The following TMC3 variants were observed in gnomAD, a reference collection of about 807,000 sequenced individuals.
The protein encoded by TMC3 is transmembrane channel-like protein 3.
TMC3 carries 98 observed loss-of-function variants against 110.6 expected under a neutral mutation model. The observed-to-expected ratio is 0.89, with a 90% CI of 0.75 to 1.05. The LOEUF is 1.05. Among genes scored for constraint, TMC3 ranks in the 50% least tolerant of loss-of-function variants. The probability of loss-of-function intolerance (pLI) is 0.00; values close to 1 mark genes in which losing one functional copy is unlikely to be tolerated. For synonymous variants in TMC3, 489 were observed against 513.1 expected (o/e 0.95, Z 0.63); for missense variants, 1,319 against 1,373.2 (o/e 0.96, Z 0.62).
chr15:81,360,972 CTT>C (rs59270312), intron 4 of TMC3, among the ~76,000 whole-genome samples: 29 of 134,108 alleles, frequency 2.2e-4, no homozygotes, highest in Non-Finnish European at 2.8e-4. Flanking sequence ...ACGGTTTTCT[CTT>C]TTTTTTTTTT....
At chr15:81,372,887 G>A in intron 1 of TMC3, 150 bp from the exon 2 acceptor site, 1 of 720,952 alleles carries the variant, frequency 1.4e-6, no homozygotes, top group East Asian at 2.7e-5. Flanking sequence ...GTGTGTGTGT[G>A]TGTGTGTGTG....
At chr15:81,368,660 A>C (rs181238733) in intron 2 of TMC3, among the ~76,000 whole-genome samples, 2 of 152,294 alleles carry the variant, frequency 1.3e-5, no homozygotes, top group African/African-American at 4.8e-5. Flanking sequence ...TCCTGGTGGC[A>C]GACACGTGCA....
chr15:81,362,633 A>G (rs2141419813), intron 3 of TMC3, among the ~76,000 whole-genome samples: 1 of 152,310 alleles, frequency 6.6e-6, no homozygotes, highest in African/African-American at 2.4e-5. Flanking sequence ...CCCATTCCTG[A>G]TGAGGGGTAT....
Position 81,358,432 on chromosome 15 carries a change from G to A in TMC3, c.570C>T (p.Ala190=). The A allele has an allele frequency of 6.2e-7, 1 of 1,613,882 alleles. No homozygotes were observed. Among genetic ancestry groups the A allele is most frequent in the Non-Finnish European group, 8.5e-7 (1 of 1,179,818 alleles). The stretch of plus-strand genomic sequence containing the variant: ...GAGACCAGACGGTGTCCAGGTCTTG[G>A]GCAGACGAAACCTGCTCCTTGGGGA... ...KTIPKEQVSS[A]QDLDTVWSLG... is the part of the protein sequence containing the mutation. Residue 190 remains alanine, a synonymous_variant, in exon 6 of 22, where the codon GCC becomes GCT. Transcript: ENST00000359440.
At position 81,333,067 on chromosome 15, in the gene TMC3, G is replaced by GGGGGCGT. The variant is rs761028832; in HGVS notation, c.2648_2654dup (p.Tyr887ProfsTer7). On this transcript the variant is annotated frameshift_variant, in exon 22 of 22. Transcript: ENST00000359440. LOFTEE classifies it low-confidence loss of function (END_TRUNC). Reference sequence around the variant, plus strand: ...CACATTCATTAATGACATAGTATCTGGGGGCGTGGGGCCTGGGACCCTGTG... The same window carrying GGGGGCGT: ...CACATTCATTAATGACATAGTATCTGGGGGCGTGGGGCGTGGGGCCTGGGACCCTGTG... 11 of 1,613,788 alleles carry GGGGGCGT rather than the reference G, an allele frequency of 6.8e-6. No homozygotes were observed. In the East Asian group the frequency reaches 2.0e-4, roughly 29 times the overall value.
chr15:81,350,682 T>C (rs8023924), intron 10 of TMC3, among the ~76,000 whole-genome samples: 23,933 of 152,202 alleles, frequency 0.16, 3,605 homozygotes, highest in African/African-American at 0.4. Context: ...ATCTTACACA[T>C]CTTTCTTTTT....
chr15:81,350,310 G>A lies in TMC3; in HGVS notation c.1084-743C>T, dbSNP rs1365517520. Among the ~76,000 whole-genome samples the A allele has an allele frequency of 6.6e-5, 10 of 152,250 alleles. 1 individual carries two copies. The highest frequency in any genetic ancestry group is 5.2e-4 in the Admixed American group (8 of 15,280). ...CATCTCACAGTATTTATACTTCCCT[G>A]ACCTTGGATGGAAGATGGAAATAAC... On this transcript the variant is annotated intron_variant, in intron 10 of 21. Coordinates refer to ENST00000359440, the MANE Select transcript of TMC3 (RefSeq NM_001080532.3).
intron 3 of TMC3, among the ~76,000 whole-genome samples, chr15:81,363,883 G>A (rs1440657472): frequency 6.6e-6 from 1 of 152,196 alleles, no homozygotes; most frequent in African/African-American, 2.4e-5. Context: ...AGGGCTTGGT[G>A]TTGGAAAGCA....
intron 12 of TMC3, 83 bp from the exon 13 acceptor site, chr15:81,345,094 A>G (rs1028110651): frequency 2.7e-6 from 4 of 1,507,688 alleles, no homozygotes; most frequent in African/African-American, 1.4e-5. Context: ...AGAATCCATC[A>G]TGGACCCCAA....
Position 81,344,829 on chromosome 15 carries a change from G to T in TMC3, c.1455C>A (p.Ala485=). 6.8e-6 allele frequency: 11 copies of T among 1,613,874 alleles called. No individual in the cohort carries two copies. The highest frequency in any genetic ancestry group is 9.3e-6 in the Non-Finnish European group (11 of 1,179,872). Residue 485 remains alanine, a synonymous_variant, in exon 13 of 22, where the codon GCC becomes GCA. Transcript: ENST00000359440. ...ISAYTMPLIK[A]NKTSLHTQSP... is the part of the protein sequence containing the mutation. ...TCTGAGTGTGGAGGCTAGTCTTGTT[G>T]GCCTTTATAAGAGGCATGGTATAAG...
chr15:81,332,897 C>G lies in TMC3; in HGVS notation c.2825G>C (p.Ser942Thr), dbSNP rs765966596. ...VPRQPPSPQL[S>T]EEEEETPSRD... is the part of the protein sequence containing the mutation. ...GCTTGGCGTCTCCTCCTCTTCTTCA[C>G]TCAGCTGTGGGGAGGGAGGCTGGCG... The change falls in exon 22 of 22, where the codon AGT becomes ACT. Residue 942 changes from serine to threonine, a missense_variant. By Grantham distance (58) the Ser-to-Thr change is moderately conservative. Coordinates refer to ENST00000359440, the MANE Select transcript of TMC3 (RefSeq NM_001080532.3). The G allele has an allele frequency of 1.2e-6, 2 of 1,613,224 alleles. No individual in the cohort carries two copies. Among genetic ancestry groups the G allele is most frequent in the Non-Finnish European group, 1.7e-6 (2 of 1,179,886 alleles).
rs764911691 is a variant in TMC3, at chr15:81,335,025, GACA to G, written c.2204-53_2204-51del. ...AGAAGACAGGTGTCACTGAGCAGGT[GACA>G]ACTTCAGATGAGTTGAGTTGCAAGG... is the stretch of plus-strand genomic sequence containing the variant. On this transcript the variant is annotated intron_variant, in intron 20 of 21. Transcript: ENST00000359440. 1.8e-5 allele frequency: 29 copies of G among 1,596,270 alleles called. No homozygotes were observed. In the African/African-American group the frequency reaches 2.8e-4, roughly 15 times the overall value.
intron 4 of TMC3, 195 bp downstream of exon 4, chr15:81,362,025 G>T (rs1894198113): frequency 3.9e-6 from 2 of 508,620 alleles, no homozygotes; most frequent in Non-Finnish European, 3.6e-6. Flanking sequence ...CGTCCAGACT[G>T]TTCCCATTCT....
chr15:81,373,326 A>G (rs1464496636), intron 1 of TMC3, among the ~76,000 whole-genome samples: 2 of 152,216 alleles, frequency 1.3e-5, no homozygotes, highest in Admixed American at 1.3e-4. Context: ...GAGATATTTC[A>G]GGAAATAGAT....
rs1021381312 is a variant in TMC3 at position 81,331,808 on chromosome 15, C to T, written c.*611G>A. ...GTAAGGGAAGAACCTCGAGTGAGCG[C>T]GTGCACAACTCCAGTAAACACACTG... On this transcript the variant is annotated 3_prime_UTR_variant, in exon 22 of 22. Coordinates refer to ENST00000359440, the MANE Select transcript of TMC3 (RefSeq NM_001080532.3). 1 of 151,996 alleles carries T rather than the reference C, an allele frequency of 6.6e-6. No individual in the cohort carries two copies. The highest frequency in any genetic ancestry group is 2.4e-5 in the African/African-American group (1 of 41,226). The allele number at this position is 151,996 out of a possible 1,614,324, so 9.4% of individuals were successfully genotyped here. A position where few individuals can be genotyped will look rare whatever the true frequency, so the allele number is the denominator to read the frequency against.
chr15:81,360,918 C>G (rs1457942150), intron 4 of TMC3, among the ~76,000 whole-genome samples: 1 of 151,430 alleles, frequency 6.6e-6, no homozygotes, highest in Non-Finnish European at 1.5e-5. Flanking sequence ...AACCTGGGTA[C>G]AGCACTAATG....
At chr15:81,361,186 C>CT (rs1310304965) in intron 4 of TMC3, among the ~76,000 whole-genome samples, 2 of 151,948 alleles carry the variant, frequency 1.3e-5, no homozygotes, top group African/African-American at 4.8e-5. Flanking sequence ...TGTAAGTTTT[C>CT]TTTTTTTAGG....
At chr15:81,368,946 C>G (rs901453370) in intron 2 of TMC3, among the ~76,000 whole-genome samples, 4 of 152,068 alleles carry the variant, frequency 2.6e-5, no homozygotes, top group Non-Finnish European at 5.9e-5. Context: ...AAATTCATAC[C>G]TTAAATGAAC....
chr15:81,338,532 A>G, intron 18 of TMC3, 123 bp downstream of exon 18: 2 of 1,310,588 alleles, frequency 1.5e-6, no homozygotes, highest in Non-Finnish European at 2.1e-6. Context: ...TGAGATCATC[A>G]GGCTCTAAGC....
Sources: gnomAD v4.1 joint callset for allele counts (sites outside exome capture counted in the v4.1 genomes callset) on GRCh38, gnomAD v4.1.1 for gene constraint, MANE v1.5 for transcripts, NCBI Gene and HGNC (gene_info 2026-07-23, HGNC 2026-07-21) for gene names.